KIAA1328: variants seen among roughly 807,000 people sequenced by gnomAD.
KIAA1328 encodes protein hinderin.
A neutral mutation model predicts 68.1 loss-of-function variants in KIAA1328; 52 were observed. The ratio of observed to expected loss-of-function variants is 0.76; its 90% CI spans 0.61 to 0.96. The LOEUF (loss-of-function observed/expected upper bound fraction) is 0.96. Ranked by LOEUF, KIAA1328 falls within the 40% of genes least tolerant of loss-of-function variation. The probability of loss-of-function intolerance (pLI) is 0.00; values close to 1 mark genes in which losing one functional copy is unlikely to be tolerated. For synonymous variants in KIAA1328, 232 were observed against 239.4 expected, an observed-to-expected ratio of 0.97 and a Z score of 0.28; for missense variants, 641 against 677.6, an observed-to-expected ratio of 0.95 and a Z score of 0.60.
intron 7 of KIAA1328, among the ~76,000 whole-genome samples, chr18:37,156,265 G>A (rs557737057): frequency 6.6e-6 from 1 of 151,530 alleles, no homozygotes; most frequent in African/African-American, 2.4e-5. Flanking sequence ...AAGTTAGCCG[G>A]GCATGTAACA....
At position 37,031,639 on chromosome 18, in the gene KIAA1328, T is replaced by G. The variant is rs2054833643; in HGVS notation, c.577-35251T>G. The stretch of plus-strand genomic sequence containing the variant: ...AGCCAGACTGTCTCTGGACTTATAT[T>G]GGACTCTTTGGATCCTTTACCCTTG... On this transcript the variant is annotated intron_variant, in intron 6 of 9. Transcript: ENST00000280020. 2.0e-5 allele frequency among the ~76,000 whole-genome samples: 3 copies of G among 152,236 alleles called. 1 individual carries two copies. The South Asian group carries it at 6.2e-4, about 32-fold the overall frequency.
chr18:36,848,668 T>A (rs915996133), intron 4 of KIAA1328, among the ~76,000 whole-genome samples: 2 of 150,508 alleles, frequency 1.3e-5, no homozygotes, highest in African/African-American at 4.9e-5. Flanking sequence ...TTCACCATTA[T>A]GTACAATGTA....
intron 6 of KIAA1328, among the ~76,000 whole-genome samples, chr18:37,004,928 A>G (rs1353978222): frequency 6.6e-6 from 1 of 152,192 alleles, no homozygotes; most frequent in Non-Finnish European, 1.5e-5. Flanking sequence ...ATAAAAAGGA[A>G]CAAATTAATG....
At chr18:37,077,790 C>T (rs1405134127) in intron 7 of KIAA1328, among the ~76,000 whole-genome samples, 1 of 149,792 alleles carries the variant, frequency 6.7e-6, no homozygotes, top group Admixed American at 6.6e-5. Context: ...AGGACCTCTT[C>T]AAGGAGAACT....
At chr18:36,843,446 C>T (rs2046925353) in intron 3 of KIAA1328, among the ~76,000 whole-genome samples, 1 of 152,130 alleles carries the variant, frequency 6.6e-6, no homozygotes, top group African/African-American at 2.4e-5. Context: ...CCTACGATTC[C>T]TTCGTGACTC....
At chr18:36,862,349 A>G (rs556063875) in intron 4 of KIAA1328, among the ~76,000 whole-genome samples, 1 of 152,360 alleles carries the variant, frequency 6.6e-6, no homozygotes, top group South Asian at 2.1e-4. Flanking sequence ...AGACACAAAT[A>G]CTTTCTTTCC....
intron 7 of KIAA1328, among the ~76,000 whole-genome samples, chr18:37,108,969 C>T (rs997306726): frequency 6.7e-6 from 1 of 149,826 alleles, no homozygotes; most frequent in African/African-American, 2.5e-5. Flanking sequence ...TGATGTTCCC[C>T]ACCCTGTGTC....
At chr18:37,096,427 A>G (rs1599248149) in intron 7 of KIAA1328, among the ~76,000 whole-genome samples, 1 of 152,192 alleles carries the variant, frequency 6.6e-6, no homozygotes, top group African/African-American at 2.4e-5. Flanking sequence ...TTATGGCTGC[A>G]TAGTATTCCA....
intron 7 of KIAA1328, among the ~76,000 whole-genome samples, chr18:37,133,257 G>T (rs377560094): frequency 1.3e-5 from 2 of 151,768 alleles, no homozygotes; most frequent in Non-Finnish European, 2.9e-5. Flanking sequence ...GCTTGAACCC[G>T]GGAGGCAGAG....
At chr18:36,948,370 T>C (rs2050993769) in intron 5 of KIAA1328, among the ~76,000 whole-genome samples, 1 of 150,110 alleles carries the variant, frequency 6.7e-6, no homozygotes, top group East Asian at 2.0e-4. Flanking sequence ...CAAGTGATTC[T>C]CCTGCCTCAG....
chr18:37,146,450 G>A (rs2058903834), intron 7 of KIAA1328, among the ~76,000 whole-genome samples: 2 of 152,096 alleles, frequency 1.3e-5, no homozygotes, highest in South Asian at 4.1e-4. Flanking sequence ...ATAGTATTCT[G>A]TGGTATATAT....
At chr18:37,109,764 T>C (rs1186102704) in intron 7 of KIAA1328, among the ~76,000 whole-genome samples, 1 of 152,184 alleles carries the variant, frequency 6.6e-6, no homozygotes, top group African/African-American at 2.4e-5. Flanking sequence ...CTAACATACT[T>C]ACACAAATCT....
intron 9 of KIAA1328, among the ~76,000 whole-genome samples, chr18:37,209,975 ATTCTTTCAT>A (rs1408899183): frequency 2.6e-5 from 4 of 152,204 alleles, no homozygotes; most frequent in Non-Finnish European, 5.9e-5. Context: ...GCCCTGGGGC[ATTCTTTCAT>A]TTAAAAGGCA....
chr18:36,929,251 C>A (rs755645637), intron 5 of KIAA1328, among the ~76,000 whole-genome samples: 4 of 152,026 alleles, frequency 2.6e-5, no homozygotes, highest in Non-Finnish European at 4.4e-5. Context: ...GCTTTTGTTT[C>A]TTTTCTTTTT....
chr18:36,955,093 A>G (rs1334560601), intron 5 of KIAA1328, among the ~76,000 whole-genome samples: 5 of 151,190 alleles, frequency 3.3e-5, no homozygotes, highest in East Asian at 1.9e-4. Context: ...TCAGTGCTCA[A>G]ATTTTCCCAA....
chr18:37,203,050 T>G (rs1298921199), intron 9 of KIAA1328, among the ~76,000 whole-genome samples: 2 of 149,560 alleles, frequency 1.3e-5, no homozygotes, highest in Non-Finnish European at 1.5e-5. Context: ...TTTCTCCCCC[T>G]TTTCCTTTTT....
Position 36,996,088 on chromosome 18 carries a change from G to A in KIAA1328, c.576+36653G>A, listed in dbSNP as rs915349893. Among the ~76,000 whole-genome samples the A allele has an allele frequency of 2.6e-5, 4 of 152,242 alleles. 1 individual carries two copies. The highest frequency in any genetic ancestry group is 9.6e-5 in the African/African-American group (4 of 41,540). On this transcript the variant is annotated intron_variant, in intron 6 of 9. Transcript: ENST00000280020. ...ACAAATGATGAAATAGCTTTGCTAA[G>A]GTTAAGTAACTTGCCCAAGGTTACA...
intron 7 of KIAA1328, among the ~76,000 whole-genome samples, chr18:37,070,323 C>T (rs555348217): frequency 6.6e-6 from 1 of 152,158 alleles, no homozygotes; most frequent in South Asian, 2.1e-4. Flanking sequence ...AAATTGTATC[C>T]TATTATTTGA....
chr18:37,138,302 A>G (rs1257649821), intron 7 of KIAA1328, among the ~76,000 whole-genome samples: 1 of 152,212 alleles, frequency 6.6e-6, no homozygotes, highest in Non-Finnish European at 1.5e-5. Context: ...AATTACATCT[A>G]TCAGAACTTA....
Sources: gnomAD v4.1 joint callset for allele counts (sites outside exome capture counted in the v4.1 genomes callset) on GRCh38, gnomAD v4.1.1 for gene constraint, MANE v1.5 for transcripts, NCBI Gene and HGNC (gene_info 2026-07-23, HGNC 2026-07-21) for gene names.